Variants in AK9 observed in about 807,000 individuals in gnomAD.
AK9 encodes adenylate kinase 9, also known as adenylate kinase domain containing 1.
In AK9, 191 loss-of-function variants were observed where a neutral mutation model predicts 239.6. The ratio of observed to expected loss-of-function variants is 0.80; its 90% confidence interval spans 0.71 to 0.90. The LOEUF is 0.90. Ranked by LOEUF, AK9 falls within the 40% of genes least tolerant of loss-of-function variation. The pLI is 0.00. For missense variants in AK9, 1,995 were observed against 2,214.7 expected, an observed-to-expected ratio of 0.90 and a Z score of 1.99; for synonymous variants, 689 against 721.0, an observed-to-expected ratio of 0.96 and a Z score of 0.71.
At chr6:109,648,785 C>A (rs1798475904) in intron 8 of AK9, among the ~76,000 whole-genome samples, 1 of 152,048 alleles carries the variant, frequency 6.6e-6, no homozygotes, top group Admixed American at 6.6e-5. Context: ...AGAGACACAA[C>A]CAAAAAAGAG....
At chr6:109,685,866 C>T (rs1356150470) in intron 1 of AK9, among the ~76,000 whole-genome samples, 4 of 152,150 alleles carry the variant, frequency 2.6e-5, no homozygotes, top group Non-Finnish European at 5.9e-5. Context: ...GATGTACAAT[C>T]CTGCTTATTT....
At chr6:109,588,422 G>A (rs910892106) in intron 17 of AK9, among the ~76,000 whole-genome samples, 1 of 152,094 alleles carries the variant, frequency 6.6e-6, no homozygotes, top group East Asian at 1.9e-4. Context: ...CATGTCCTTG[G>A]CCCACTTTTT....
At chr6:109,594,142 T>A (rs985834364) in intron 17 of AK9, among the ~76,000 whole-genome samples, 2 of 152,204 alleles carry the variant, frequency 1.3e-5, no homozygotes, top group African/African-American at 4.8e-5. Flanking sequence ...AAAATCTCCT[T>A]AAGCTGATAA....
At chr6:109,551,941 T>C (rs1216226788) in intron 24 of AK9, among the ~76,000 whole-genome samples, 1 of 152,178 alleles carries the variant, frequency 6.6e-6, no homozygotes, top group Non-Finnish European at 1.5e-5. Flanking sequence ...GTTTTCAGTG[T>C]TCAACTCCCA....
chr6:109,542,558 G>A (rs1391405066), intron 26 of AK9, among the ~76,000 whole-genome samples: 1 of 152,238 alleles, frequency 6.6e-6, no homozygotes, highest in East Asian at 1.9e-4. Context: ...TTCTATGTGT[G>A]TAACAAAATA....
intron 35 of AK9, among the ~76,000 whole-genome samples, chr6:109,501,455 A>G (rs956257612): frequency 4.6e-5 from 7 of 152,224 alleles, no homozygotes; most frequent in South Asian, 2.1e-4. Context: ...GCTTTTAAAC[A>G]GGGAGTAGGA....
chr6:109,518,170 G>T (rs1263115075), intron 29 of AK9, among the ~76,000 whole-genome samples: 1 of 152,166 alleles, frequency 6.6e-6, no homozygotes, highest in African/African-American at 2.4e-5. Context: ...ATTCGGGTGT[G>T]TGAGGGCAGG....
chr6:109,528,764 A>C (rs1324716797), intron 29 of AK9: 1 of 594,168 alleles, frequency 1.7e-6, no homozygotes, highest in Admixed American at 2.2e-5. Flanking sequence ...GGACATTTTT[A>C]TACAGATGGA....
chr6:109,524,807 G>T (rs1271299434), intron 29 of AK9, among the ~76,000 whole-genome samples: 2 of 152,166 alleles, frequency 1.3e-5, no homozygotes, highest in Non-Finnish European at 2.9e-5. Flanking sequence ...GATGTTAGTG[G>T]GTTGGAGATG....
rs968716570 is a variant in AK9, at chr6:109,646,882, G to A, written c.760-2194C>T. ...CAAAGAGAAGCCCATCAGACTAACA[G>A]TGGATCTCTTGGCAGAAACTCCACA... On this transcript the variant is annotated intron_variant, in intron 8 of 40. Transcript: ENST00000424296. Among the ~76,000 whole-genome samples, 9 of 152,216 alleles carry A rather than the reference G, an allele frequency of 5.9e-5. No individual in the cohort carries two copies. The East Asian group carries it at 1.7e-3, about 29-fold the overall frequency.
At chr6:109,529,179 G>A (rs1780917220) in intron 28 of AK9, 106 bp from the exon 29 acceptor site, 3 of 1,292,748 alleles carry the variant, frequency 2.3e-6, no homozygotes, top group Non-Finnish European at 3.1e-6. Context: ...TTGGGCAGAA[G>A]CACAGTGAAC....
In AK9 at chr6:109,588,094, G is replaced by A. The variant is rs531354136; in HGVS notation, c.1843-2022C>T. Among the ~76,000 whole-genome samples the A allele has an allele frequency of 9.3e-5, 14 of 149,892 alleles. 1 individual carries two copies. The South Asian group carries it at 1.1e-3, about 11-fold the overall frequency. ...GCTGCCTTCTTTTTTTTTTTGAGAC[G>A]GAGTTTCGCTCTGTCGCCCAGGCTG... On this transcript the variant is annotated intron_variant, in intron 17 of 40. Coordinates refer to ENST00000424296, the MANE Select transcript of AK9 (RefSeq NM_001145128.3).
At chr6:109,613,608 G>A (rs548132607) in intron 15 of AK9, among the ~76,000 whole-genome samples, 1 of 151,666 alleles carries the variant, frequency 6.6e-6, no homozygotes, top group South Asian at 2.1e-4. Context: ...CTTATAATGA[G>A]GGTTAAAATA....
chr6:109,686,230 C>T (rs1198275111), intron 1 of AK9, among the ~76,000 whole-genome samples: 2 of 152,120 alleles, frequency 1.3e-5, no homozygotes, highest in East Asian at 1.9e-4. Context: ...GCAAGTGTCC[C>T]GGATCCCCTT....
intron 2 of AK9, among the ~76,000 whole-genome samples, chr6:109,675,341 T>C (rs1771550246): frequency 6.6e-6 from 1 of 152,222 alleles, no homozygotes. Flanking sequence ...TATTGCGGTA[T>C]ATATGTACCA....
intron 12 of AK9, among the ~76,000 whole-genome samples, chr6:109,621,943 G>A (rs1324672083): frequency 2.2e-4 from 19 of 86,180 alleles, no homozygotes; most frequent in Admixed American, 4.6e-4. Context: ...AAATTCCAGA[G>A]CAAAAAAAAC....
At chr6:109,653,942 G>C (rs1275157022) in intron 8 of AK9, among the ~76,000 whole-genome samples, 1 of 151,840 alleles carries the variant, frequency 6.6e-6, no homozygotes, top group Non-Finnish European at 1.5e-5. Context: ...GATTTTATTT[G>C]TGTACAACAA....
chr6:109,656,322 TA>T (rs1799696727), intron 8 of AK9, among the ~76,000 whole-genome samples: 2 of 152,228 alleles, frequency 1.3e-5, no homozygotes, highest in Non-Finnish European at 2.9e-5. Context: ...GGGATAACCA[TA>T]GACCAATCAG....
intron 26 of AK9, among the ~76,000 whole-genome samples, 170 bp from the exon 27 acceptor site, chr6:109,542,341 G>A (rs757167570): frequency 8.5e-5 from 13 of 152,164 alleles, no homozygotes; most frequent in Admixed American, 2.6e-4. Context: ...GACATGAAGA[G>A]AGGCAGGATA....
Sources: gnomAD v4.1 joint callset for allele counts (sites outside exome capture counted in the v4.1 genomes callset) on GRCh38, gnomAD v4.1.1 for gene constraint, MANE v1.5 for transcripts, NCBI Gene and HGNC (gene_info 2026-07-23, HGNC 2026-07-21) for gene names.